ATP10D: variants seen among roughly 807,000 people sequenced by gnomAD.
The protein encoded by ATP10D is phospholipid-transporting ATPase VD.
In ATP10D, 89 loss-of-function variants were observed where a neutral mutation model predicts 144.8. The ratio of observed to expected loss-of-function variants is 0.61; its 90% confidence interval spans 0.52 to 0.73. The LOEUF (loss-of-function observed/expected upper bound fraction) is 0.73. Among genes scored for constraint, ATP10D ranks in the 30% least tolerant of loss-of-function variants. The probability of loss-of-function intolerance (pLI) is 0.00; values close to 1 mark genes in which losing one functional copy is unlikely to be tolerated. For synonymous variants in ATP10D, 571 were observed against 615.1 expected (o/e 0.93, Z 1.06); for missense variants, 1,603 against 1,714.8 (o/e 0.93, Z 1.15).
rs1385175189 is a variant in ATP10D, at chr4:47,537,051, GT to G, written c.1396+114del. The G allele has an allele frequency of 4.2e-5, 52 of 1,252,806 alleles. No homozygotes were observed. The East Asian group carries it at 1.2e-3, about 30-fold the overall frequency. 77.6% of individuals were successfully genotyped at this position (1,252,806 alleles called of 1,614,324 possible). ...TAGAAGTGGTTTATTTAATCATTGA[GT>G]ACTTAATGCTTCCAGATGGCCTTTA... On this transcript the variant is annotated intron_variant, in intron 9 of 22. Transcript: ENST00000273859.
chr4:47,539,375 A>C (rs894319825), intron 9 of ATP10D, among the ~76,000 whole-genome samples: 1 of 152,210 alleles, frequency 6.6e-6, no homozygotes, highest in African/African-American at 2.4e-5. Context: ...GAATATGATG[A>C]CACTCTGCAT....
chr4:47,560,951 C>A lies in ATP10D; in HGVS notation c.2544C>A (p.Val848=). 6.2e-7 allele frequency: 1 copy of A among 1,614,098 alleles called. No homozygotes were observed. Among genetic ancestry groups the A allele is most frequent in the South Asian group, 1.1e-5 (1 of 91,072 alleles). ...GLRTLCIAKK[V]MSDTEYAEWL... ...CTCTCTTTTAATTCTTCCCGTAGGT[C>A]ATGAGTGACACTGAATATGCAGAGT... Residue 848 remains valine, a splice_region_variant and synonymous_variant, in exon 14 of 23, where the codon GTC becomes GTA. Coordinates refer to ENST00000273859, the MANE Select transcript of ATP10D (RefSeq NM_020453.4).
rs905825732 is a variant in ATP10D, at chr4:47,593,215, G to C, written c.*1834G>C. The stretch of plus-strand genomic sequence containing the variant: ...AATGAATTATCTGTACATATGAATA[G>C]AGGAAAATACTGAGTGCTAATGTTA... On this transcript the variant is annotated 3_prime_UTR_variant, in exon 23 of 23. Transcript: ENST00000273859. The C allele has an allele frequency of 1.3e-5, 2 of 152,104 alleles. No individual in the cohort carries two copies. Among genetic ancestry groups the C allele is most frequent in the Non-Finnish European group, 1.5e-5 (1 of 67,996 alleles). The allele number at this position is 152,104 out of a possible 1,614,324, so 9.4% of individuals were successfully genotyped here.
At chr4:47,577,008 A>C (rs1158892141) in intron 19 of ATP10D, 35 bp downstream of exon 19, 1 of 1,568,976 alleles carries the variant, frequency 6.4e-7, no homozygotes, top group Non-Finnish European at 8.8e-7. Flanking sequence ...GGATGGATGC[A>C]TATCCATTGT....
chr4:47,488,265 A>G (rs960826817), intron 1 of ATP10D, among the ~76,000 whole-genome samples: 1 of 152,036 alleles, frequency 6.6e-6, no homozygotes, highest in Non-Finnish European at 1.5e-5. Context: ...GTGAAATTTA[A>G]TATATTATCT....
Position 47,554,885 on chromosome 4 carries a change from G to C in ATP10D, c.1795G>C (p.Val599Leu). 6.2e-7 allele frequency: 1 copy of C among 1,614,070 alleles called. No individual in the cohort carries two copies. Among genetic ancestry groups the C allele is most frequent in the Non-Finnish European group, 8.5e-7 (1 of 1,179,994 alleles). ...ATTGGCAATTTGCAACACAGTAGTG[G>C]TTTCTGCTCCTAACCAACCCCGACA... ...IALAICNTVV[V>L]SAPNQPRQKI... The change falls in exon 11 of 23, where the codon GTT becomes CTT. Residue 599 changes from valine (V) to leucine (L), a missense_variant. Coordinates refer to ENST00000273859, the MANE Select transcript of ATP10D (RefSeq NM_020453.4).
At chr4:47,534,889 T>G (rs1270698505) in intron 5 of ATP10D, among the ~76,000 whole-genome samples, 1 of 152,054 alleles carries the variant, frequency 6.6e-6, no homozygotes, top group African/African-American at 2.4e-5. Flanking sequence ...TGATTCACAA[T>G]AGCAAAGACA....
chr4:47,535,545 A>T lies in ATP10D; in HGVS notation c.813A>T (p.Lys271Asn). 6.2e-7 allele frequency: 1 copy of T among 1,613,142 alleles called. No individual in the cohort carries two copies. The highest frequency in any genetic ancestry group is 8.5e-7 in the Non-Finnish European group (1 of 1,179,460). The change falls in exon 6 of 23, where the codon AAA (lysine) becomes AAT (asparagine). Residue 271 changes from lysine (K) to asparagine (N), a missense_variant. Physicochemically the swap from Lys to Asn is moderately conservative, Grantham distance 94 (BLOSUM62 0). Transcript: ENST00000273859. ...HSNKERVGLS[K>N]ENLLLRGCTI... ...ACAAAGAACGCGTGGGTCTCAGTAA[A>T]GAAAATTTGTTGCTTAGAGGATGCA...
At chr4:47,577,230 C>G (rs1388545275) in intron 19 of ATP10D, among the ~76,000 whole-genome samples, 6 of 152,232 alleles carry the variant, frequency 3.9e-5, no homozygotes. Flanking sequence ...CTAACATTTA[C>G]TAAACCCCAT....
At chr4:47,568,217 A>G (rs970961592) in intron 15 of ATP10D, among the ~76,000 whole-genome samples, 6 of 152,240 alleles carry the variant, frequency 3.9e-5, no homozygotes, top group Non-Finnish European at 8.8e-5. Context: ...CCTGGCCAGA[A>G]TGCAAGTGCC....
chr4:47,556,678 T>C (rs1719008139), intron 11 of ATP10D: 1 of 152,222 alleles, frequency 6.6e-6, no homozygotes, highest in Non-Finnish European at 1.5e-5. Context: ...TCTGAGTTGC[T>C]GATAAGTTTG....
intron 11 of ATP10D, among the ~76,000 whole-genome samples, chr4:47,555,405 G>A (rs769541629): frequency 5.3e-5 from 8 of 152,182 alleles, no homozygotes; most frequent in Middle Eastern, 3.2e-3. Flanking sequence ...GTTGAGGACC[G>A]CTGGTCTAAG....
At chr4:47,561,885 A>C (rs1719335697) in intron 14 of ATP10D, among the ~76,000 whole-genome samples, 1 of 152,194 alleles carries the variant, frequency 6.6e-6, no homozygotes, top group Non-Finnish European at 1.5e-5. Context: ...ATAAGCTCTG[A>C]TATACCAAGA....
At chr4:47,555,825 C>T (rs2109445307) in intron 11 of ATP10D, among the ~76,000 whole-genome samples, 1 of 151,996 alleles carries the variant, frequency 6.6e-6, no homozygotes, top group Middle Eastern at 3.4e-3. Context: ...GTGATCTCAG[C>T]TCACTGCACC....
rs370204271 is a variant in ATP10D, at chr4:47,536,869, C to T, written c.1327C>T (p.Leu443Phe). Reference protein sequence around the residue: ...QYLFSDKTGTLTENKMVFRRC... With the variant: ...QYLFSDKTGTFTENKMVFRRC... ...CCTCTTTTCCGATAAGACAGGAACC[C>T]TCACTGAGAATAAGATGGTTTTTCG... The change falls in exon 9 of 23, where the codon CTC becomes TTC. Residue 443 changes from leucine to phenylalanine, a missense_variant. Coordinates refer to ENST00000273859, the MANE Select transcript of ATP10D (RefSeq NM_020453.4). 6.2e-7 allele frequency: 1 copy of T among 1,613,392 alleles called. No homozygotes were observed. Among genetic ancestry groups the T allele is most frequent in the African/African-American group, 1.3e-5 (1 of 74,984 alleles).
At chr4:47,515,201 T>C (rs905545626) in intron 2 of ATP10D, among the ~76,000 whole-genome samples, 17 of 152,238 alleles carry the variant, frequency 1.1e-4, no homozygotes, top group African/African-American at 4.1e-4. Flanking sequence ...CCTCAAGTGA[T>C]CTGCCCGCCT....
intron 1 of ATP10D, among the ~76,000 whole-genome samples, chr4:47,502,358 C>T (rs756489739): frequency 4.6e-5 from 7 of 151,918 alleles, no homozygotes; most frequent in Non-Finnish European, 7.4e-5. Context: ...GTAGTTCCAG[C>T]TACTCGGGGG....
At chr4:47,542,254 G>C (rs1440611368) in intron 9 of ATP10D, among the ~76,000 whole-genome samples, 1 of 151,888 alleles carries the variant, frequency 6.6e-6, no homozygotes, top group South Asian at 2.1e-4. Context: ...ATGCCACCAC[G>C]CATGGCTAAT....
At chr4:47,537,242 T>G (rs1020386485) in intron 9 of ATP10D, among the ~76,000 whole-genome samples, 1 of 152,146 alleles carries the variant, frequency 6.6e-6, no homozygotes, top group East Asian at 1.9e-4. Context: ...GATGAAACTA[T>G]GGGCCATTTC....
Sources: allele counts gnomAD v4.1 joint callset (sites outside exome capture counted in the v4.1 genomes callset), GRCh38; gene constraint gnomAD v4.1.1; transcripts MANE v1.5; gene names NCBI Gene and HGNC (gene_info 2026-07-23, HGNC 2026-07-21).